Variants in NPAS2 observed in about 807,000 individuals in gnomAD.
NPAS2 encodes the protein neuronal PAS domain-containing protein 2.
A neutral mutation model predicts 107.5 loss-of-function variants in NPAS2; 23 were observed. That is an observed-to-expected ratio of 0.21 (90% CI 0.15 to 0.30). NPAS2 has a LOEUF of 0.30. Ranked by LOEUF, NPAS2 falls within the 10% of genes least tolerant of loss-of-function variation. NPAS2 has a pLI of 1.00. For missense variants in NPAS2, 756 were observed against 1,043.3 expected (o/e 0.72, Z 3.79); for synonymous variants, 403 against 417.5 (o/e 0.97, Z 0.42).
chr2:100,903,653 C>T (rs1206093859), intron 1 of NPAS2, among the ~76,000 whole-genome samples: 4 of 152,192 alleles, frequency 2.6e-5, no homozygotes, highest in East Asian at 3.9e-4. Context: ...AGCGTAGAAG[C>T]GGGTGGGCAG....
chr2:100,933,810 G>T (rs557754833), intron 4 of NPAS2, among the ~76,000 whole-genome samples: 8 of 152,312 alleles, frequency 5.3e-5, no homozygotes, highest in East Asian at 1.9e-4. Context: ...ATCCACGCCC[G>T]CAACCAAGAG....
At chr2:100,872,019 C>A (rs992773628) in intron 1 of NPAS2, among the ~76,000 whole-genome samples, 13 of 152,184 alleles carry the variant, frequency 8.5e-5, no homozygotes, top group Non-Finnish European at 1.9e-4. Flanking sequence ...GGGAATGCAA[C>A]AGCAACAACA....
At chr2:100,889,759 G>C (rs1465550022) in intron 1 of NPAS2, among the ~76,000 whole-genome samples, 1 of 152,164 alleles carries the variant, frequency 6.6e-6, no homozygotes, top group Non-Finnish European at 1.5e-5. Context: ...AGGGTTTTCA[G>C]ACAACTCAGA....
At chr2:100,859,990 A>C (rs1195962697) in intron 1 of NPAS2, among the ~76,000 whole-genome samples, 1 of 152,190 alleles carries the variant, frequency 6.6e-6, no homozygotes, top group Non-Finnish European at 1.5e-5. Context: ...TGTATCCATG[A>C]TTCAGTCATC....
At chr2:100,863,554 C>A (rs1223687819) in intron 1 of NPAS2, among the ~76,000 whole-genome samples, 1 of 152,176 alleles carries the variant, frequency 6.6e-6, no homozygotes, top group East Asian at 1.9e-4. Flanking sequence ...GCTTGAGCGT[C>A]TCATGGGGAA....
chr2:100,961,976 G>A (rs192052354), intron 7 of NPAS2, among the ~76,000 whole-genome samples: 2 of 152,294 alleles, frequency 1.3e-5, no homozygotes, highest in Admixed American at 1.3e-4. Context: ...CTAGCAGAGA[G>A]AGTATTTCAC....
intron 5 of NPAS2, among the ~76,000 whole-genome samples, chr2:100,947,647 G>C (rs570979728): frequency 6.6e-6 from 1 of 152,184 alleles, no homozygotes; most frequent in African/African-American, 2.4e-5. Context: ...CCTGTTACGG[G>C]CAGCACAGAT....
In NPAS2 at chr2:100,922,126, A is replaced by G. The variant is rs142834046; in HGVS notation, c.33-3020A>G. Among the ~76,000 whole-genome samples, 624 of 152,302 alleles carry G rather than the reference A, an allele frequency of 4.1e-3. 3 individuals carry two copies. The highest frequency in any genetic ancestry group is 7.3e-3 in the South Asian group (35 of 4,820). ...GATCAGTGGTTGGTTGCCTGTGGCT[A>G]TGGCTGGGGGTGGGCGGATCAATCA... is the stretch of plus-strand genomic sequence containing the variant. On this transcript the variant is annotated intron_variant, in intron 2 of 20. Transcript: ENST00000335681.
chr2:100,924,220 G>A (rs535753578), intron 2 of NPAS2, among the ~76,000 whole-genome samples: 65 of 152,324 alleles, frequency 4.3e-4, no homozygotes, highest in African/African-American at 1.5e-3. Context: ...TGGTGCATTA[G>A]TTATAGCTGA....
At position 100,995,773 on chromosome 2, in the gene NPAS2, AC is replaced by A; in HGVS notation, c.*193del. 1.3e-6 allele frequency: 2 copies of A among 1,549,096 alleles called. No homozygotes were observed. Among genetic ancestry groups the A allele is most frequent in the Non-Finnish European group, 8.7e-7 (1 of 1,146,636 alleles). ...GCAGTGGAAATGATCAGGAATACTG[AC>A]CGTGTTTCTCTTGCCTCCGAGGTTC... is the stretch of plus-strand genomic sequence containing the variant. On this transcript the variant is annotated 3_prime_UTR_variant, in exon 21 of 21. Coordinates refer to ENST00000335681, the MANE Select transcript of NPAS2 (RefSeq NM_002518.4).
intron 15 of NPAS2, among the ~76,000 whole-genome samples, chr2:100,978,904 C>T (rs1048559572): frequency 7.9e-5 from 12 of 152,174 alleles, no homozygotes; most frequent in African/African-American, 1.7e-4. Context: ...GTTCTGAACA[C>T]GGGGAGTGAC....
chr2:100,955,208 G>A (rs1349378006), intron 7 of NPAS2, among the ~76,000 whole-genome samples: 3 of 152,168 alleles, frequency 2.0e-5, no homozygotes, highest in Non-Finnish European at 4.4e-5. Context: ...CCATTACTGT[G>A]AAAAGTCTTA....
In NPAS2 at chr2:100,959,855, T is replaced by C. The variant is rs78554201; in HGVS notation, c.599-4203T>C. ...CTCTGATGAGAATACTTAATTGTTC[T>C]GATGACTGAGCTGGTAATTCAGTGG... On this transcript the variant is annotated intron_variant, in intron 7 of 20. Coordinates refer to ENST00000335681, the MANE Select transcript of NPAS2 (RefSeq NM_002518.4). 7.5e-4 allele frequency among the ~76,000 whole-genome samples: 114 copies of C among 152,352 alleles called. No homozygotes were observed. The East Asian group carries it at 0.02, about 27-fold the overall frequency.
chr2:100,841,475 G>A (rs1294186584), intron 1 of NPAS2, among the ~76,000 whole-genome samples: 2 of 152,146 alleles, frequency 1.3e-5, no homozygotes, highest in African/African-American at 4.8e-5. Context: ...CAGTGACTGT[G>A]TATGCCCATG....
chr2:100,865,313 G>A (rs896957548), intron 1 of NPAS2, among the ~76,000 whole-genome samples: 6 of 152,120 alleles, frequency 3.9e-5, no homozygotes, highest in Non-Finnish European at 5.9e-5. Flanking sequence ...TCGTGCTGCC[G>A]CCTGAGCCAG....
At chr2:100,869,063 G>T (rs1573504079) in intron 1 of NPAS2, among the ~76,000 whole-genome samples, 2 of 151,896 alleles carry the variant, frequency 1.3e-5, no homozygotes, top group African/African-American at 2.4e-5. Context: ...TGAGTAGCTA[G>T]GATTATAGGC....
intron 1 of NPAS2, among the ~76,000 whole-genome samples, chr2:100,845,369 A>G (rs973887332): frequency 3.3e-4 from 50 of 152,140 alleles, no homozygotes; most frequent in Non-Finnish European, 1.9e-4. Context: ...CTTCCTGTAC[A>G]GGTTGCTGCA....
chr2:100,965,125 G>A lies in NPAS2; in HGVS notation c.800+182G>A, dbSNP rs75276353. ...TCCCTCCAACTTCATCTGCCCCATC[G>A]TGAATATGTTCTGTGTTTGGGTCTG... On this transcript the variant is annotated intron_variant, in intron 9 of 20. Transcript: ENST00000335681. This position sits in a 1 kb window ranked among gnomAD's most constrained non-coding sequence, Gnocchi z 4.3. 2.6e-4 allele frequency among the ~76,000 whole-genome samples: 39 copies of A among 152,294 alleles called. No homozygotes were observed. Among genetic ancestry groups the A allele is most frequent in the Non-Finnish European group, 3.8e-4 (26 of 68,024 alleles).
chr2:100,875,756 G>A (rs1004671776), intron 1 of NPAS2, among the ~76,000 whole-genome samples: 9 of 152,224 alleles, frequency 5.9e-5, no homozygotes, highest in Non-Finnish European at 1.2e-4. Flanking sequence ...TAAGCAGCAT[G>A]CACTTTTTTC....
Sources: allele counts gnomAD v4.1 joint callset (sites outside exome capture counted in the v4.1 genomes callset), GRCh38; gene constraint gnomAD v4.1.1; non-coding constraint Gnocchi (gnomAD v3.1); transcripts MANE v1.5; gene names NCBI Gene and HGNC (gene_info 2026-07-23, HGNC 2026-07-21).